Variants in CFAP97D2 observed in about 807,000 individuals in gnomAD.
CFAP97D2 encodes uncharacterized protein CFAP97D2.
chr13:114,195,738 T>A (rs1358667434), intron 1 of CFAP97D2, among the ~76,000 whole-genome samples: 8 of 152,070 alleles, frequency 5.3e-5, no homozygotes, highest in Admixed American at 5.2e-4. Flanking sequence ...GCTTGGAAAT[T>A]AAAGTGAGGT....
chr13:114,217,722 T>C (rs1357347631), intron 4 of CFAP97D2, among the ~76,000 whole-genome samples: 3 of 152,184 alleles, frequency 2.0e-5, no homozygotes, highest in Non-Finnish European at 4.4e-5. Flanking sequence ...TGGTTCAACA[T>C]ATGCAAATCA....
At chr13:114,213,345 A>G (rs1160030999) in intron 4 of CFAP97D2, among the ~76,000 whole-genome samples, 2 of 148,882 alleles carry the variant, frequency 1.3e-5, no homozygotes, top group African/African-American at 5.0e-5. Flanking sequence ...CCCCTGTGGA[A>G]GCTCCAAGAC....
intron 1 of CFAP97D2, among the ~76,000 whole-genome samples, chr13:114,195,374 G>A (rs542506065): frequency 4.6e-5 from 7 of 152,154 alleles, no homozygotes; most frequent in Non-Finnish European, 2.9e-5. Context: ...CTGACATCTC[G>A]CTGCATCTTC....
At chr13:114,193,606 AG>A (rs1256456992) in intron 1 of CFAP97D2, among the ~76,000 whole-genome samples, 1 of 152,254 alleles carries the variant, frequency 6.6e-6, no homozygotes, top group Non-Finnish European at 1.5e-5. Context: ...TTAGGAAGGC[AG>A]GCCTCACCTT....
chr13:114,219,074 A>G (rs2081008371), intron 4 of CFAP97D2, among the ~76,000 whole-genome samples: 1 of 152,248 alleles, frequency 6.6e-6, no homozygotes, highest in Non-Finnish European at 1.5e-5. Flanking sequence ...AGAAACTACC[A>G]TCAGAGTGAA....
intron 1 of CFAP97D2, among the ~76,000 whole-genome samples, chr13:114,193,001 A>G (rs1263621682): frequency 6.6e-6 from 1 of 152,252 alleles, no homozygotes; most frequent in African/African-American, 2.4e-5. Flanking sequence ...CCTCAAAGCC[A>G]GTATCTTAAT....
At chr13:114,219,294 A>G (rs1389792766) in intron 4 of CFAP97D2, among the ~76,000 whole-genome samples, 1 of 152,142 alleles carries the variant, frequency 6.6e-6, no homozygotes, top group African/African-American at 2.4e-5. Context: ...AGTTTTATCC[A>G]TTTATATGTA....
chr13:114,220,818 T>C (rs75093421), intron 4 of CFAP97D2, among the ~76,000 whole-genome samples: 9,945 of 152,328 alleles, frequency 0.065, 558 homozygotes, highest in African/African-American at 0.13. Flanking sequence ...TTGAGCTCCT[T>C]GGCCTCCAAC....
At chr13:114,196,816 G>C (rs2138762697) in intron 2 of CFAP97D2, among the ~76,000 whole-genome samples, 1 of 152,326 alleles carries the variant, frequency 6.6e-6, no homozygotes, top group East Asian at 1.9e-4. Flanking sequence ...GATACAGCTT[G>C]GTTTTATACA....
At chr13:114,197,106 G>T (rs184350472) in intron 2 of CFAP97D2, among the ~76,000 whole-genome samples, 13 of 152,244 alleles carry the variant, frequency 8.5e-5, no homozygotes, top group African/African-American at 2.6e-4. Flanking sequence ...TGTAAATATT[G>T]CTCATCAGAG....
intron 3 of CFAP97D2, among the ~76,000 whole-genome samples, chr13:114,204,589 T>C (rs940758418): frequency 1.5e-4 from 23 of 152,346 alleles, no homozygotes; most frequent in African/African-American, 4.8e-4. Flanking sequence ...GAGGAAAGAA[T>C]AGTCTTTCCA....
intron 3 of CFAP97D2, among the ~76,000 whole-genome samples, chr13:114,208,352 T>C (rs1178693864): frequency 2.0e-5 from 3 of 152,220 alleles, no homozygotes; most frequent in Non-Finnish European, 4.4e-5. Context: ...GGTGACGTCA[T>C]AGACTCCTGA....
intron 1 of CFAP97D2, among the ~76,000 whole-genome samples, chr13:114,193,884 G>A (rs1430361220): frequency 3.3e-5 from 5 of 152,068 alleles, no homozygotes; most frequent in African/African-American, 7.2e-5. Flanking sequence ...CATCTGCCTC[G>A]GCCTCCCAGA....
intron 3 of CFAP97D2, among the ~76,000 whole-genome samples, chr13:114,206,064 C>T (rs2138776255): frequency 6.6e-6 from 1 of 151,798 alleles, no homozygotes; most frequent in Admixed American, 6.6e-5. Flanking sequence ...GCTCAAATGC[C>T]AGAGACATTT....
Position 114,211,931 on chromosome 13 carries a change from G to A in CFAP97D2, c.310G>A (p.Glu104Lys), listed in dbSNP as rs1470621829. 3.0e-5 allele frequency: 12 copies of A among 398,646 alleles called. No homozygotes were observed. The highest frequency in any genetic ancestry group is 4.9e-5 in the Non-Finnish European group (11 of 226,150). The allele number at this position is 398,646 out of a possible 1,614,324, so 24.7% of individuals were successfully genotyped here. ...GTGGAGTCTGCACAGGGGGAAGAGAGAACAGGAACTTCGCAGAGTGCGGAA... is the reference window on the plus strand; with the variant it reads ...GTGGAGTCTGCACAGGGGGAAGAGAAAACAGGAACTTCGCAGAGTGCGGAA... The change falls in exon 4 of 5, where the codon GAA becomes AAA. Residue 104 changes from glutamate (E) to lysine (K), a missense_variant. Transcript: ENST00000646158. The surrounding 1 kb of genome is among the most constrained non-coding windows in gnomAD (Gnocchi z 4.2).
chr13:114,220,670 C>T (rs1283282511), intron 4 of CFAP97D2, among the ~76,000 whole-genome samples: 1 of 152,220 alleles, frequency 6.6e-6, no homozygotes, highest in Non-Finnish European at 1.5e-5. Context: ...AGTGCCCCAA[C>T]CCCAATAACT....
intron 4 of CFAP97D2, chr13:114,212,330 A>T (rs2080970835): frequency 2.8e-6 from 1 of 355,900 alleles, no homozygotes; most frequent in African/African-American, 2.1e-5. Context: ...AAGTTGAGGA[A>T]ATTAAAATAA....
Position 114,211,861 on chromosome 13 carries a change from G to A in CFAP97D2, c.291-51G>A. On this transcript the variant is annotated intron_variant, in intron 3 of 4. Transcript: ENST00000646158. This position sits in a 1 kb window ranked among gnomAD's most constrained non-coding sequence, Gnocchi z 4.2. ...AGCCTGTTGGCCCTGTGGAGGGAATGGCAGCCTTAATAAAATCCAAATTTC... is the reference window on the plus strand; with the variant it reads ...AGCCTGTTGGCCCTGTGGAGGGAATAGCAGCCTTAATAAAATCCAAATTTC... 1 of 398,518 alleles carries A rather than the reference G, an allele frequency of 2.5e-6. No homozygotes were observed. Among genetic ancestry groups the A allele is most frequent in the Non-Finnish European group, 4.4e-6 (1 of 226,090 alleles). The allele number at this position is 398,518 out of a possible 1,614,324, so 24.7% of individuals were successfully genotyped here.
chr13:114,192,636 C>G lies in CFAP97D2; in HGVS notation c.91-3760C>G, dbSNP rs117664722. On this transcript the variant is annotated intron_variant, in intron 1 of 4. Coordinates refer to ENST00000646158, the Ensembl canonical transcript of CFAP97D2. ...TATGAAGCAAATAGGAGACATTGATCCCAAAACATGACAAATACTTCACCA... is the reference window on the plus strand; with the variant it reads ...TATGAAGCAAATAGGAGACATTGATGCCAAAACATGACAAATACTTCACCA... 1.6e-3 allele frequency among the ~76,000 whole-genome samples: 248 copies of G among 152,134 alleles called. 1 individual carries two copies. The highest frequency in any genetic ancestry group is 2.8e-3 in the Non-Finnish European group (192 of 67,998).
Sources: allele counts gnomAD v4.1 joint callset (sites outside exome capture counted in the v4.1 genomes callset), GRCh38; gene constraint gnomAD v4.1.1; non-coding constraint Gnocchi (gnomAD v3.1); transcripts MANE v1.5; gene names NCBI Gene and HGNC (gene_info 2026-07-23, HGNC 2026-07-21).